DOK7: variants seen among roughly 807,000 people sequenced by gnomAD.
The protein encoded by DOK7 is protein Dok-7.
DOK7 carries 32 observed loss-of-function variants against 30.7 expected under a neutral mutation model. The ratio of observed to expected loss-of-function variants is 1.04; its 90% CI spans 0.79 to 1.40. The LOEUF (loss-of-function observed/expected upper bound fraction) is 1.40. Among genes scored for constraint, DOK7 ranks in the 40% most tolerant of loss-of-function variants. The pLI, the probability that DOK7 is intolerant of heterozygous loss-of-function variation, is 0.00. For missense variants in DOK7, 1,007 were observed against 699.2 expected, an observed-to-expected ratio of 1.44 and a Z score of -4.97; for synonymous variants, 447 against 324.1, an observed-to-expected ratio of 1.38 and a Z score of -4.07.
intron 4 of DOK7, among the ~76,000 whole-genome samples, chr4:3,477,510 GC>G (rs1727169379): frequency 6.6e-6 from 1 of 152,270 alleles, no homozygotes; most frequent in South Asian, 2.1e-4. Context: ...CCATCTGGGT[GC>G]CACGTTCTGC....
chr4:3,466,949 G>A (rs1166361612), intron 2 of DOK7, among the ~76,000 whole-genome samples: 1 of 152,194 alleles, frequency 6.6e-6, no homozygotes, highest in Non-Finnish European at 1.5e-5. Context: ...TCTTGGTCTC[G>A]TGTGTCCTGG....
At position 3,494,470 on chromosome 4, in the gene DOK7, T is replaced by C. The variant is rs1728783190; in HGVS notation, c.*969T>C. On this transcript the variant is annotated 3_prime_UTR_variant, in exon 7 of 7. Coordinates refer to ENST00000340083, the MANE Select transcript of DOK7 (RefSeq NM_173660.5). ...TGTTTGTAATAGACTGGAAATAAAA[T>C]GTTCTTTCCTTACCACCTTGTCCTA... 4 of 985,366 alleles carry C rather than the reference T, an allele frequency of 4.1e-6. No homozygotes were observed. Among genetic ancestry groups the C allele is most frequent in the Non-Finnish European group, 4.8e-6 (4 of 829,916 alleles). The allele number at this position is 985,366 out of a possible 1,614,324, so 61.0% of individuals were successfully genotyped here.
intron 2 of DOK7, among the ~76,000 whole-genome samples, chr4:3,471,160 C>A (rs1726736232): frequency 6.6e-6 from 1 of 152,222 alleles, no homozygotes; most frequent in South Asian, 2.1e-4. Flanking sequence ...GACGCTCTGG[C>A]CTTATAGCTG....
intron 2 of DOK7, among the ~76,000 whole-genome samples, chr4:3,467,613 C>T (rs1726379956): frequency 6.6e-6 from 1 of 151,972 alleles, no homozygotes; most frequent in Non-Finnish European, 1.5e-5. Context: ...ACCGTGGGAG[C>T]GTGTGCACGT....
chr4:3,500,589 CAG>C lies in DOK7; in HGVS notation c.1262-101_1262-100del, dbSNP rs1729140272. The C allele has an allele frequency of 3.3e-6, 5 of 1,520,678 alleles. No individual in the cohort carries two copies. In the South Asian group the frequency reaches 6.1e-5, roughly 18 times the overall value. The allele number at this position is 1,520,678 out of a possible 1,614,324, so 94.2% of individuals were successfully genotyped here. A position where few individuals can be genotyped will look rare whatever the true frequency, so the allele number is the denominator to read the frequency against. On this transcript the variant is annotated intron_variant, in intron 7 of 7. Transcript: ENST00000643608. ...CACATCCCCTGAGGGTGTCCCCACT[CAG>C]ATGCTTCCGAGGGCCTGGCTGGGGG...
At chr4:3,465,349 C>G (rs565150590) in intron 2 of DOK7, among the ~76,000 whole-genome samples, 1 of 152,342 alleles carries the variant, frequency 6.6e-6, no homozygotes, top group Non-Finnish European at 1.5e-5. Flanking sequence ...TGCCTTCACC[C>G]AGCTGCCTTC....
In DOK7 at chr4:3,464,979, C is replaced by T. The variant is rs1360102778; in HGVS notation, c.100+1428C>T. On this transcript the variant is annotated intron_variant, in intron 2 of 6. Transcript: ENST00000340083. ...CCGTATCCTGCGCAGTTGAGATCTGCAGCCTTCTGGGGCTGGCGTGGGAGG... is the reference window on the plus strand; with the variant it reads ...CCGTATCCTGCGCAGTTGAGATCTGTAGCCTTCTGGGGCTGGCGTGGGAGG... Among the ~76,000 whole-genome samples the T allele has an allele frequency of 2.0e-5, 3 of 152,330 alleles. No individual in the cohort carries two copies. The East Asian group carries it at 5.8e-4, about 29-fold the overall frequency.
At chr4:3,488,734 C>A (rs1727973254) in intron 5 of DOK7, among the ~76,000 whole-genome samples, 1 of 150,540 alleles carries the variant, frequency 6.6e-6, no homozygotes, top group South Asian at 2.1e-4. Flanking sequence ...GTTCTGGAGG[C>A]CCAGAGGAGG....
In DOK7 at chr4:3,493,012, T is replaced by G. The variant is rs1437244628; in HGVS notation, c.1026T>G (p.Thr342=). 2 of 1,565,410 alleles carry G rather than the reference T, an allele frequency of 1.3e-6. No individual in the cohort carries two copies. The highest frequency in any genetic ancestry group is 1.9e-5 in the Admixed American group (1 of 54,004). ...GCTCCTCGGACAGCGGCATCGCCAC[T>G]GGCAGCCACTCCTCTTACTCCAGCA... The part of the protein sequence containing the change: ...RQSSSDSGIA[T]GSHSSYSSSL... The change falls in exon 7 of 7, where the codon ACT becomes ACG. Residue 342 remains threonine, a synonymous_variant. Coordinates refer to ENST00000340083, the MANE Select transcript of DOK7 (RefSeq NM_173660.5).
chr4:3,493,766 G>C lies in DOK7; in HGVS notation c.*265G>C. 1 of 1,394,684 alleles carries C rather than the reference G, an allele frequency of 7.2e-7. No homozygotes were observed. Among genetic ancestry groups the C allele is most frequent in the Non-Finnish European group, 9.3e-7 (1 of 1,077,534 alleles). The allele number at this position is 1,394,684 out of a possible 1,614,324, so 86.4% of individuals were successfully genotyped here. Reference sequence around the variant, plus strand: ...CCCCAATGCTCAGCTGCTTCACTCCGTGTCCCCCACCCCTGAGGATCAGGT... The same window carrying C: ...CCCCAATGCTCAGCTGCTTCACTCCCTGTCCCCCACCCCTGAGGATCAGGT... On this transcript the variant is annotated 3_prime_UTR_variant, in exon 7 of 7. Coordinates refer to ENST00000340083, the MANE Select transcript of DOK7 (RefSeq NM_173660.5).
At chr4:3,489,397 A>AG (rs754140285) in intron 5 of DOK7, among the ~76,000 whole-genome samples, 7 of 152,032 alleles carry the variant, frequency 4.6e-5, no homozygotes, top group Admixed American at 6.5e-5. Flanking sequence ...ATGAGGAAGG[A>AG]GGGGTCTGGC....
chr4:3,489,831 C>T (rs200753549), intron 6 of DOK7, 35 bp downstream of exon 6: 105 of 1,559,134 alleles, frequency 6.7e-5, no homozygotes, highest in East Asian at 3.3e-4. Context: ...TGTGGGACCT[C>T]GGCTAAGCCT....
chr4:3,484,390 G>A (rs891983775), intron 4 of DOK7, among the ~76,000 whole-genome samples: 1 of 152,192 alleles, frequency 6.6e-6, no homozygotes, highest in Non-Finnish European at 1.5e-5. Flanking sequence ...TTCTAATGCC[G>A]AGATTTCCCT....
intron 5 of DOK7, among the ~76,000 whole-genome samples, chr4:3,488,204 C>T (rs766298117): frequency 7.2e-5 from 11 of 152,212 alleles, no homozygotes; most frequent in African/African-American, 1.4e-4. Flanking sequence ...CCAGGCTGAC[C>T]GGGGCAGTGC....
At chr4:3,471,523 C>G (rs753122804) in intron 2 of DOK7, among the ~76,000 whole-genome samples, 4 of 152,242 alleles carry the variant, frequency 2.6e-5, no homozygotes, top group Admixed American at 6.5e-5. Flanking sequence ...CAACACACTT[C>G]AACTGCAGAC....
chr4:3,492,145 A>T lies in DOK7; in HGVS notation c.773-614A>T, dbSNP rs936501130. ...AAAGTGGCTTTCCCAAGAGCACGGGAGGGGCCTGGCCTGGCAGGCGGGAGG... is the reference window on the plus strand; with the variant it reads ...AAAGTGGCTTTCCCAAGAGCACGGGTGGGGCCTGGCCTGGCAGGCGGGAGG... On this transcript the variant is annotated intron_variant, in intron 6 of 6. Coordinates refer to ENST00000340083, the MANE Select transcript of DOK7 (RefSeq NM_173660.5). 2.6e-5 allele frequency among the ~76,000 whole-genome samples: 4 copies of T among 152,302 alleles called. No individual in the cohort carries two copies. The South Asian group carries it at 8.3e-4, about 32-fold the overall frequency.
chr4:3,471,912 A>C (rs9993029), intron 2 of DOK7, among the ~76,000 whole-genome samples: 36,027 of 152,140 alleles, frequency 0.24, 5,157 homozygotes, highest in African/African-American at 0.43. Context: ...AAGTGAACGC[A>C]CTGTCGCCGC....
chr4:3,468,976 G>C (rs1235607478), intron 2 of DOK7, among the ~76,000 whole-genome samples: 1 of 149,624 alleles, frequency 6.7e-6, no homozygotes. Context: ...ATGAGTGTAC[G>C]TGTGCCTGTG....
intron 6 of DOK7, among the ~76,000 whole-genome samples, chr4:3,490,606 C>CCCTGCTCATTCATTCCTTCCCTCTCCG (rs1728276957): frequency 2.9e-5 from 2 of 68,098 alleles, no homozygotes; most frequent in Non-Finnish European, 5.4e-5. Flanking sequence ...TTTCTTCTCT[C>CCCTGCTCATTCATTCCTTCCCTCTCCG]CCTGCTCGTT....
Sources: gnomAD v4.1 joint callset for allele counts (sites outside exome capture counted in the v4.1 genomes callset) on GRCh38, gnomAD v4.1.1 for gene constraint, MANE v1.5 for transcripts, NCBI Gene and HGNC (gene_info 2026-07-23, HGNC 2026-07-21) for gene names.